Variants in MTFR1 observed in about 807,000 individuals in gnomAD.
The protein encoded by MTFR1 is mitochondrial fission regulator 1.
MTFR1 carries 28 observed loss-of-function variants against 38.8 expected under a neutral mutation model. That is an observed-to-expected ratio of 0.72 (90% confidence interval 0.53 to 0.99). MTFR1 has a LOEUF of 0.99. MTFR1 is among the 50% of genes least tolerant of loss of function. MTFR1 has a pLI of 0.00. For missense variants in MTFR1, 358 were observed against 395.5 expected (o/e 0.91, Z 0.81); for synonymous variants, 145 against 137.0 (o/e 1.06, Z -0.41).
intron 3 of MTFR1, chr8:65,727,964 CAATA>C (rs1047115010): frequency 2.0e-5 from 3 of 152,158 alleles, no homozygotes; most frequent in African/African-American, 7.2e-5. Context: ...TTAATAATCA[CAATA>C]AATAAAAGTT....
At chr8:65,678,325 G>C (rs959006524) in intron 2 of MTFR1, among the ~76,000 whole-genome samples, 2 of 152,126 alleles carry the variant, frequency 1.3e-5, no homozygotes, top group African/African-American at 4.8e-5. Flanking sequence ...GTCAGACCTA[G>C]TTTTAGAGTT....
intron 1 of MTFR1, among the ~76,000 whole-genome samples, chr8:65,663,104 G>A (rs2129049573): frequency 6.6e-6 from 1 of 152,328 alleles, no homozygotes; most frequent in East Asian, 1.9e-4. Flanking sequence ...GAAAGGTGGG[G>A]AAAAGATTGA....
chr8:65,756,205 G>C (rs904537620), intron 3 of MTFR1, among the ~76,000 whole-genome samples: 1 of 151,990 alleles, frequency 6.6e-6, no homozygotes, highest in Non-Finnish European at 1.5e-5. Flanking sequence ...TTACTCTTTG[G>C]GTTTCAACAA....
intron 1 of MTFR1, among the ~76,000 whole-genome samples, chr8:65,669,514 G>T (rs1289457364): frequency 6.6e-6 from 1 of 151,388 alleles, no homozygotes; most frequent in Non-Finnish European, 1.5e-5. Flanking sequence ...TAAGCAAGCT[G>T]ATCACAAGCA....
intron 2 of MTFR1, chr8:65,718,520 C>G (rs1400494993): frequency 6.6e-6 from 1 of 152,282 alleles, no homozygotes; most frequent in Non-Finnish European, 1.5e-5. Flanking sequence ...AATCATAATA[C>G]AGCTAGGACA....
At chr8:65,762,408 C>T (rs1808542923) in intron 3 of MTFR1, among the ~76,000 whole-genome samples, 1 of 152,140 alleles carries the variant, frequency 6.6e-6, no homozygotes. Context: ...ATTAGTAGAG[C>T]AGCACGTGCT....
In MTFR1 at chr8:65,724,121, T is replaced by G. The variant is rs543558664; in HGVS notation, c.*48+4640T>G. The G allele has an allele frequency of 1.3e-4, 76 of 580,554 alleles. No homozygotes were observed. In the East Asian group the frequency reaches 2.2e-3, roughly 17 times the overall value. 36.0% of individuals were successfully genotyped at this position (580,554 alleles called of 1,614,324 possible). A position where few individuals can be genotyped will look rare whatever the true frequency, so the allele number is the denominator to read the frequency against. On this transcript the variant is annotated intron_variant, in intron 3 of 3. Coordinates refer to the MTFR1 transcript ENST00000521247. Reference sequence around the variant, plus strand: ...TCAATTTGTATTGATTAGATGTATATCTATTGTGAATTGTTACTAAAAATG... The same window carrying G: ...TCAATTTGTATTGATTAGATGTATAGCTATTGTGAATTGTTACTAAAAATG...
intron 3 of MTFR1, among the ~76,000 whole-genome samples, chr8:65,735,246 C>G (rs752839314): frequency 6.6e-6 from 1 of 152,156 alleles, no homozygotes; most frequent in Non-Finnish European, 1.5e-5. Flanking sequence ...GTGAGCGGGA[C>G]AGACCATCAG....
intron 1 of MTFR1, among the ~76,000 whole-genome samples, chr8:65,666,501 A>G (rs2129050348): frequency 6.6e-6 from 1 of 152,358 alleles, no homozygotes; most frequent in African/African-American, 2.4e-5. Context: ...ATAAAAGCAC[A>G]GACTTACAGA....
At chr8:65,777,445 G>A in the MTFR1 span, among the ~76,000 whole-genome samples, 1 of 151,982 alleles carries the variant, frequency 6.6e-6, no homozygotes, top group Admixed American at 6.6e-5. Context: ...TTATATTCCT[G>A]GAAAAATACT....
At chr8:65,696,354 C>A (rs1399741970) in intron 4 of MTFR1, among the ~76,000 whole-genome samples, 1 of 152,136 alleles carries the variant, frequency 6.6e-6, no homozygotes, top group African/African-American at 2.4e-5. Flanking sequence ...ATTGTAGATT[C>A]TTCACATGCA....
At chr8:65,733,144 A>T (rs1806971873) in intron 3 of MTFR1, among the ~76,000 whole-genome samples, 1 of 152,150 alleles carries the variant, frequency 6.6e-6, no homozygotes, top group Non-Finnish European at 1.5e-5. Context: ...TAAGGATGAA[A>T]AGTGTTTAAG....
chr8:65,733,937 T>C (rs554961727), intron 3 of MTFR1, among the ~76,000 whole-genome samples: 1 of 152,292 alleles, frequency 6.6e-6, no homozygotes, highest in East Asian at 1.9e-4. Context: ...TAGGCAGACA[T>C]AATTGCAGAA....
At chr8:65,723,929 CAA>C (rs1806497813) in intron 3 of MTFR1, among the ~76,000 whole-genome samples, 1 of 152,040 alleles carries the variant, frequency 6.6e-6, no homozygotes, top group Admixed American at 6.6e-5. Flanking sequence ...ATTACACACA[CAA>C]AAGTTTTACA....
intron 1 of MTFR1, among the ~76,000 whole-genome samples, chr8:65,668,525 C>CTTTTTTTT (rs144265003): frequency 3.9e-5 from 5 of 127,004 alleles, no homozygotes; most frequent in Non-Finnish European, 6.4e-5. Flanking sequence ...TTTCTTTTTT[C>CTTTTTTTT]TTTTTTTTTT....
At chr8:65,739,180 T>C (rs1006171079) in intron 3 of MTFR1, among the ~76,000 whole-genome samples, 2 of 152,240 alleles carry the variant, frequency 1.3e-5, no homozygotes, top group Non-Finnish European at 2.9e-5. Context: ...CAAACTCCTC[T>C]GCTTCTTTTA....
intron 3 of MTFR1, among the ~76,000 whole-genome samples, chr8:65,761,761 T>C (rs1448412672): frequency 6.6e-6 from 1 of 152,202 alleles, no homozygotes; most frequent in Non-Finnish European, 1.5e-5. Context: ...AAAAGTGGGA[T>C]AGCAGACGAA....
intron 5 of MTFR1, among the ~76,000 whole-genome samples, chr8:65,706,578 T>A (rs544996235): frequency 6.6e-6 from 1 of 152,372 alleles, no homozygotes; most frequent in Non-Finnish European, 1.5e-5. Context: ...TAATGCTTAG[T>A]AAGTCTTATA....
At chr8:65,644,814 T>C (rs1443164615) in intron 1 of MTFR1, 30 bp downstream of exon 1, 3 of 152,620 alleles carry the variant, frequency 2.0e-5, no homozygotes, top group African/African-American at 7.2e-5. Context: ...GGAAAAGCGG[T>C]TGGCTAGCGG....
Sources: allele counts gnomAD v4.1 joint callset (sites outside exome capture counted in the v4.1 genomes callset), GRCh38; gene constraint gnomAD v4.1.1; transcripts MANE v1.5; gene names NCBI Gene and HGNC (gene_info 2026-07-23, HGNC 2026-07-21).